RBM14: variants seen among roughly 807,000 people sequenced by gnomAD.
The protein encoded by RBM14 is RNA-binding protein 14.
Under a neutral mutation model 52.8 loss-of-function variants are expected in RBM14, and 5 were observed. That is an observed-to-expected ratio of 0.09 (90% CI 0.05 to 0.20). The LOEUF is 0.20. RBM14 is among the 10% of genes least tolerant of loss of function. The pLI, the probability that RBM14 is intolerant of heterozygous loss-of-function variation, is 1.00. For missense variants in RBM14, 780 were observed against 926.6 expected, an observed-to-expected ratio of 0.84 and a Z score of 2.05; for synonymous variants, 411 against 401.8, an observed-to-expected ratio of 1.02 and a Z score of -0.28.
chr11:66,619,692 G>T (rs1859012943), intron 1 of RBM14, among the ~76,000 whole-genome samples: 1 of 151,202 alleles, frequency 6.6e-6, no homozygotes, highest in South Asian at 2.1e-4. Context: ...TCAGCCTCCC[G>T]AGTAGCTGGG....
chr11:66,624,108 G>T lies in RBM14; in HGVS notation c.338-106G>T, dbSNP rs1937676993. ...TGGAGAGGAGGGTTTGGAGGCCTTG[G>T]AGGTAGCTGGCAACAGCTGGGTGCT... On this transcript the variant is annotated intron_variant, in intron 1 of 2. Coordinates refer to ENST00000310137, the MANE Select transcript of RBM14 (RefSeq NM_006328.4). This position sits in a 1 kb window ranked among gnomAD's most constrained non-coding sequence, Gnocchi z 4.7. 1 of 1,539,066 alleles carries T rather than the reference G, an allele frequency of 6.5e-7. No homozygotes were observed. The highest frequency in any genetic ancestry group is 1.9e-4 in the Middle Eastern group (1 of 5,208).
chr11:66,617,075 TCGGGGG>T lies in RBM14; in HGVS notation c.337+27_337+32del. On this transcript the variant is annotated intron_variant, in intron 1 of 2. Coordinates refer to ENST00000310137, the MANE Select transcript of RBM14 (RefSeq NM_006328.4). ...GGTGAAAGGTAACGCGGAGGCGCGCTCGGGGGCGGGGGCGCGCTCGGGGCACTCTGC... is the reference window on the plus strand; with the variant it reads ...GGTGAAAGGTAACGCGGAGGCGCGCTCGGGGGCGCGCTCGGGGCACTCTGC... The T allele has an allele frequency of 6.4e-7, 1 of 1,554,924 alleles. No individual in the cohort carries two copies. Among genetic ancestry groups the T allele is most frequent in the Non-Finnish European group, 8.7e-7 (1 of 1,148,674 alleles).
In RBM14 at chr11:66,627,699, G is replaced by A. The variant is rs1189863202; in HGVS notation, c.*1031G>A. Reference sequence around the variant, plus strand: ...ACCTGTGTTCCAATGGGATGGTTCTGGGGTTTGGCCTCTTAGGAAGTGGGG... The same window carrying A: ...ACCTGTGTTCCAATGGGATGGTTCTAGGGTTTGGCCTCTTAGGAAGTGGGG... On this transcript the variant is annotated 3_prime_UTR_variant, in exon 3 of 3. Transcript: ENST00000310137. 6.6e-6 allele frequency among the ~76,000 whole-genome samples: 1 copy of A among 152,176 alleles called. No individual in the cohort carries two copies.
At chr11:66,626,155 A>G (rs976058441) in intron 2 of RBM14, among the ~76,000 whole-genome samples, 8 of 152,202 alleles carry the variant, frequency 5.3e-5, no homozygotes, top group Non-Finnish European at 1.0e-4. Flanking sequence ...ATAAACAACC[A>G]AGGTCTTTCT....
Position 66,625,167 on chromosome 11 carries a change from G to A in RBM14, c.1291G>A (p.Ala431Thr), listed in dbSNP as rs750748554. Residue 431 changes from alanine (A) to threonine (T), a missense_variant, in exon 2 of 3, where the codon GCC becomes ACC. Transcript: ENST00000310137. This position sits in a 1 kb window ranked among gnomAD's most constrained non-coding sequence, Gnocchi z 4.2. ...QAASYSSQPA[A>T]YVAQPATAAA... ...TGCTTCCTACTCTTCCCAACCTGCT[G>A]CCTATGTGGCACAGCCAGCCACAGC... 6.2e-7 allele frequency: 1 copy of A among 1,612,420 alleles called. No individual in the cohort carries two copies. The highest frequency in any genetic ancestry group is 8.5e-7 in the Non-Finnish European group (1 of 1,179,972).
At chr11:66,617,320 A>G in intron 1 of RBM14, 2 of 1,306,442 alleles carry the variant, frequency 1.5e-6, no homozygotes, top group Non-Finnish European at 1.9e-6. Context: ...GACGCGCCTG[A>G]GAGCCTTGCG....
chr11:66,618,445 G>C lies in RBM14; in HGVS notation c.337+1388G>C, dbSNP rs1415880407. 9 of 716,494 alleles carry C rather than the reference G, an allele frequency of 1.3e-5. No individual in the cohort carries two copies. In the East Asian group the frequency reaches 2.4e-4, roughly 19 times the overall value. The allele number at this position is 716,494 out of a possible 1,614,324, so 44.4% of individuals were successfully genotyped here. On this transcript the variant is annotated intron_variant, in intron 1 of 2. Coordinates refer to ENST00000310137, the MANE Select transcript of RBM14 (RefSeq NM_006328.4). ...AAAGGGTCATAGTGTCCACTACTAG[G>C]AACAAGTCCTTGTTCTGCATTAATA...
intron 2 of RBM14, 105 bp from the exon 3 acceptor site, chr11:66,626,356 C>T (rs1162171302): frequency 7.1e-6 from 8 of 1,131,660 alleles, no homozygotes; most frequent in Non-Finnish European, 1.0e-5. Context: ...TCTTGGAGAC[C>T]ACTGTGATCA....
chr11:66,618,458 T>C, intron 1 of RBM14: 1 of 717,158 alleles, frequency 1.4e-6, no homozygotes, highest in Middle Eastern at 2.3e-4. Context: ...CAAGTCCTTG[T>C]TCTGCATTAA....
rs1937675424 is a variant in RBM14, at chr11:66,624,072, T to C, written c.338-142T>C. 7 of 1,394,884 alleles carry C rather than the reference T, an allele frequency of 5.0e-6. No individual in the cohort carries two copies. The highest frequency in any genetic ancestry group is 2.4e-5 in the East Asian group (1 of 42,186). 86.4% of individuals were successfully genotyped at this position (1,394,884 alleles called of 1,614,324 possible). A position where few individuals can be genotyped will look rare whatever the true frequency, so the allele number is the denominator to read the frequency against. On this transcript the variant is annotated intron_variant, in intron 1 of 2. Coordinates refer to ENST00000310137, the MANE Select transcript of RBM14 (RefSeq NM_006328.4). The surrounding 1 kb of genome is among the most constrained non-coding windows in gnomAD (Gnocchi z 4.7). ...TTTGTTATATGGGAGCTACATTTTA[T>C]GACATACTCCTGGAGAGGAGGGTTT... is the stretch of plus-strand genomic sequence containing the variant.
At chr11:66,623,216 G>A (rs1304793451) in intron 1 of RBM14, among the ~76,000 whole-genome samples, 1 of 152,194 alleles carries the variant, frequency 6.6e-6, no homozygotes, top group Non-Finnish European at 1.5e-5. Context: ...GTGAACAGAA[G>A]CCCAAGGTGT....
chr11:66,626,895 T>C lies in RBM14; in HGVS notation c.*227T>C. Reference sequence around the variant, plus strand: ...CTTGCTACTGGCTCTAGATCTGCGGTTTCCCCTCTACCCTGCCTCCCGTCT... The same window carrying C: ...CTTGCTACTGGCTCTAGATCTGCGGCTTCCCCTCTACCCTGCCTCCCGTCT... On this transcript the variant is annotated 3_prime_UTR_variant, in exon 3 of 3. Coordinates refer to ENST00000310137, the MANE Select transcript of RBM14 (RefSeq NM_006328.4). 2.0e-6 allele frequency: 1 copy of C among 506,446 alleles called. No individual in the cohort carries two copies. Among genetic ancestry groups the C allele is most frequent in the Non-Finnish European group, 3.5e-6 (1 of 287,834 alleles). 31.4% of individuals were successfully genotyped at this position (506,446 alleles called of 1,614,324 possible).
intron 1 of RBM14, among the ~76,000 whole-genome samples, chr11:66,622,721 G>C (rs1043458214): frequency 6.6e-6 from 1 of 152,192 alleles, no homozygotes; most frequent in African/African-American, 2.4e-5. Flanking sequence ...TGTTCTGTAG[G>C]AGCAGCTAGA....
Position 66,622,074 on chromosome 11 carries a change from C to G in RBM14, c.338-2140C>G, listed in dbSNP as rs7925474. 1.2e-4 allele frequency among the ~76,000 whole-genome samples: 18 copies of G among 151,876 alleles called. No homozygotes were observed. In the South Asian group the frequency reaches 3.5e-3, roughly 30 times the overall value. On this transcript the variant is annotated intron_variant, in intron 1 of 2. Coordinates refer to ENST00000310137, the MANE Select transcript of RBM14 (RefSeq NM_006328.4). ...GGGATTACAGGTGCCAGCCACCACG[C>G]CCTGGTAATTTTTGTATTTTTAGTA...
chr11:66,623,498 G>T (rs1187573957), intron 1 of RBM14, among the ~76,000 whole-genome samples: 3 of 152,218 alleles, frequency 2.0e-5, no homozygotes, highest in African/African-American at 4.8e-5. Context: ...CACTTTGAGT[G>T]GGGCAAGCCA....
chr11:66,626,890 T>G lies in RBM14; in HGVS notation c.*222T>G. 3.9e-6 allele frequency: 2 copies of G among 519,116 alleles called. No homozygotes were observed. The highest frequency in any genetic ancestry group is 3.9e-5 in the African/African-American group (2 of 51,824). 32.2% of individuals were successfully genotyped at this position (519,116 alleles called of 1,614,324 possible). A position where few individuals can be genotyped will look rare whatever the true frequency, so the allele number is the denominator to read the frequency against. The stretch of plus-strand genomic sequence containing the variant: ...CAAATCTTGCTACTGGCTCTAGATC[T>G]GCGGTTTCCCCTCTACCCTGCCTCC... On this transcript the variant is annotated 3_prime_UTR_variant, in exon 3 of 3. Coordinates refer to ENST00000310137, the MANE Select transcript of RBM14 (RefSeq NM_006328.4).
At chr11:66,617,082 C>G in intron 1 of RBM14, 25 bp downstream of exon 1, 1 of 1,552,056 alleles carries the variant, frequency 6.4e-7, no homozygotes. Context: ...CGCTCGGGGG[C>G]GGGGGCGCGC....
chr11:66,622,332 A>G (rs1416991681), intron 1 of RBM14, among the ~76,000 whole-genome samples: 2 of 151,436 alleles, frequency 1.3e-5, no homozygotes, highest in East Asian at 3.9e-4. Context: ...CCCAGGTTCA[A>G]GTGATTCTCC....
rs1166059570 is a variant in RBM14, at chr11:66,624,110, G to A, written c.338-104G>A. Reference sequence around the variant, plus strand: ...GAGAGGAGGGTTTGGAGGCCTTGGAGGTAGCTGGCAACAGCTGGGTGCTGT... The same window carrying A: ...GAGAGGAGGGTTTGGAGGCCTTGGAAGTAGCTGGCAACAGCTGGGTGCTGT... On this transcript the variant is annotated intron_variant, in intron 1 of 2. Coordinates refer to ENST00000310137, the MANE Select transcript of RBM14 (RefSeq NM_006328.4). This position sits in a 1 kb window ranked among gnomAD's most constrained non-coding sequence, Gnocchi z 4.7. 6.5e-7 allele frequency: 1 copy of A among 1,540,088 alleles called. No individual in the cohort carries two copies. The highest frequency in any genetic ancestry group is 8.8e-7 in the Non-Finnish European group (1 of 1,141,992).
Sources: allele counts gnomAD v4.1 joint callset (sites outside exome capture counted in the v4.1 genomes callset), GRCh38; gene constraint gnomAD v4.1.1; non-coding constraint Gnocchi (gnomAD v3.1); transcripts MANE v1.5; gene names NCBI Gene and HGNC (gene_info 2026-07-23, HGNC 2026-07-21).